TYW1B: variants seen among roughly 807,000 people sequenced by gnomAD.
TYW1B encodes the protein S-adenosyl-L-methionine-dependent tRNA 4-demethylwyosine synthase TYW1B.
A neutral mutation model predicts 86.9 loss-of-function variants in TYW1B; 73 were observed. That is an observed-to-expected ratio of 0.84 (90% CI 0.70 to 1.02). The LOEUF is 1.02. Ranked by LOEUF, TYW1B falls within the 50% of genes least tolerant of loss-of-function variation. TYW1B has a pLI of 0.00. For missense variants in TYW1B, 637 were observed against 827.4 expected, an observed-to-expected ratio of 0.77 and a Z score of 2.82; for synonymous variants, 248 against 292.8, an observed-to-expected ratio of 0.85 and a Z score of 1.56.
At chr7:72,788,029 G>A (rs1554472820) in intron 6 of TYW1B, among the ~76,000 whole-genome samples, 1 of 151,884 alleles carries the variant, frequency 6.6e-6, no homozygotes, top group Non-Finnish European at 1.5e-5. Context: ...CCAGGCTGGA[G>A]TGCAGTGGCA....
At chr7:72,811,303 A>G (rs1421635620) in intron 3 of TYW1B, among the ~76,000 whole-genome samples, 2 of 147,506 alleles carry the variant, frequency 1.4e-5, no homozygotes, top group African/African-American at 5.0e-5. Flanking sequence ...AAGAAAAAAG[A>G]AAAAAGAAAA....
At chr7:72,601,354 A>C (rs2129568053) in intron 13 of TYW1B, among the ~76,000 whole-genome samples, 1 of 151,432 alleles carries the variant, frequency 6.6e-6, no homozygotes, top group East Asian at 1.9e-4. Flanking sequence ...AAAAAAAAAC[A>C]AAAAAAACCT....
At chr7:72,678,255 A>C (rs1261348779) in intron 11 of TYW1B, among the ~76,000 whole-genome samples, 2 of 152,134 alleles carry the variant, frequency 1.3e-5, no homozygotes, top group Non-Finnish European at 2.9e-5. Context: ...TATGGAAAAA[A>C]ACAATCAAAG....
intron 11 of TYW1B, among the ~76,000 whole-genome samples, chr7:72,637,884 C>G (rs1463848297): frequency 1.3e-5 from 2 of 151,060 alleles, no homozygotes; most frequent in Non-Finnish European, 1.5e-5. Flanking sequence ...AAATTTCAGC[C>G]CTTTGAGGCT....
intron 11 of TYW1B, among the ~76,000 whole-genome samples, chr7:72,653,974 G>A (rs1813138057): frequency 6.6e-6 from 1 of 151,704 alleles, no homozygotes; most frequent in Admixed American, 6.6e-5. Flanking sequence ...CAGCTACTCA[G>A]GAGGCGGAGG....
intron 10 of TYW1B, among the ~76,000 whole-genome samples, chr7:72,709,534 G>A (rs1369808395): frequency 6.6e-6 from 1 of 152,182 alleles, no homozygotes; most frequent in Non-Finnish European, 1.5e-5. Context: ...TGGGGGTGGT[G>A]GTGGGTGCCT....
At position 72,694,736 on chromosome 7, in the gene TYW1B, T is replaced by C. The variant is rs1554451100; in HGVS notation, c.1457A>G (p.Lys486Arg). The C allele has an allele frequency of 6.2e-7, 1 of 1,613,942 alleles. No individual in the cohort carries two copies. The highest frequency in any genetic ancestry group is 1.7e-5 in the Admixed American group (1 of 59,948). The part of the protein sequence containing the change: ...SLKKIDRPLF[K>R]DFWQQFLDSL... ...GTCAAGGAATTGCTGCCAGAAATCCTTGAAGAGTGGGCGGTCGATTTTCTT... is the reference window on the plus strand; with the variant it reads ...GTCAAGGAATTGCTGCCAGAAATCCCTGAAGAGTGGGCGGTCGATTTTCTT... Residue 486 changes from lysine (K) to arginine (R), a missense_variant, in exon 11 of 14, where the codon AAG becomes AGG. Physicochemically the swap from Lys to Arg is conservative, Grantham distance 26. Coordinates refer to ENST00000620995, the MANE Select transcript of TYW1B (RefSeq NM_001145440.3).
intron 13 of TYW1B, among the ~76,000 whole-genome samples, chr7:72,602,932 A>T (rs1237224263): frequency 1.3e-5 from 2 of 152,094 alleles, no homozygotes; most frequent in Non-Finnish European, 2.9e-5. Context: ...CAACTGAAAG[A>T]GATCCGAATG....
intron 9 of TYW1B, among the ~76,000 whole-genome samples, chr7:72,718,814 G>C (rs1311142008): frequency 1.3e-5 from 2 of 152,120 alleles, no homozygotes; most frequent in Non-Finnish European, 2.9e-5. Flanking sequence ...TAGAAAGGCA[G>C]GTTGAACCTG....
chr7:72,581,076 T>G (rs1811140584), intron 13 of TYW1B, among the ~76,000 whole-genome samples: 1 of 98,342 alleles, frequency 1.0e-5, no homozygotes, highest in Non-Finnish European at 2.0e-5. Flanking sequence ...AAAGGCAGGT[T>G]TATATTCTGT....
chr7:72,648,857 A>C (rs1276222511), intron 11 of TYW1B, among the ~76,000 whole-genome samples: 5 of 152,226 alleles, frequency 3.3e-5, no homozygotes, highest in Admixed American at 3.3e-4. Flanking sequence ...CAAGATGCAC[A>C]CAGAAGAGGC....
At chr7:72,798,132 G>A (rs1254853822) in intron 6 of TYW1B, among the ~76,000 whole-genome samples, 4 of 151,992 alleles carry the variant, frequency 2.6e-5, no homozygotes, top group East Asian at 1.9e-4. Context: ...GGCCGGGCGC[G>A]GTGGCTCATG....
At chr7:72,610,023 G>A (rs1811897204) in intron 13 of TYW1B, among the ~76,000 whole-genome samples, 1 of 152,080 alleles carries the variant, frequency 6.6e-6, no homozygotes, top group Non-Finnish European at 1.5e-5. Flanking sequence ...ACATCTGTTG[G>A]GCATTTCAAC....
At chr7:72,625,381 G>T (rs868937697) in intron 12 of TYW1B, among the ~76,000 whole-genome samples, 3 of 152,154 alleles carry the variant, frequency 2.0e-5, no homozygotes, top group African/African-American at 7.2e-5. Flanking sequence ...CACTTTGGGA[G>T]GCTAACGTAG....
intron 13 of TYW1B, among the ~76,000 whole-genome samples, chr7:72,601,713 A>G (rs1436560721): frequency 6.6e-6 from 1 of 151,794 alleles, no homozygotes; most frequent in Non-Finnish European, 1.5e-5. Context: ...TCAAGCCAGG[A>G]AAATGCACGA....
chr7:72,656,803 G>T (rs1389518870), intron 11 of TYW1B, among the ~76,000 whole-genome samples: 1 of 152,114 alleles, frequency 6.6e-6, no homozygotes. Context: ...GAGAGTGGGA[G>T]CAAGAGCAAA....
intron 10 of TYW1B, among the ~76,000 whole-genome samples, chr7:72,698,908 G>A (rs1159719201): frequency 1.3e-5 from 2 of 152,238 alleles, no homozygotes; most frequent in East Asian, 3.9e-4. Context: ...CAAGTCCTCA[G>A]GAAGAAATTC....
At chr7:72,626,203 A>C (rs570251891) in intron 12 of TYW1B, among the ~76,000 whole-genome samples, 39 of 151,186 alleles carry the variant, frequency 2.6e-4, no homozygotes, top group Middle Eastern at 3.4e-3. Flanking sequence ...AGACAGCAGT[A>C]TTTCATCTGT....
rs1218682154 is a variant in TYW1B, at chr7:72,807,393, C to A, written c.433-37G>T. On this transcript the variant is annotated intron_variant, in intron 4 of 13. Coordinates refer to ENST00000620995, the MANE Select transcript of TYW1B (RefSeq NM_001145440.3). The stretch of plus-strand genomic sequence containing the variant: ...AGATAGATAGGCTAAAAGCACGGTT[C>A]TCTAAATCAGGGTTTTCCAGACTGC... 3.1e-6 allele frequency: 5 copies of A among 1,588,502 alleles called. No individual in the cohort carries two copies. The African/African-American group carries it at 5.4e-5, about 17-fold the overall frequency.
Sources: gnomAD v4.1 joint callset for allele counts (sites outside exome capture counted in the v4.1 genomes callset) on GRCh38, gnomAD v4.1.1 for gene constraint, MANE v1.5 for transcripts, NCBI Gene and HGNC (gene_info 2026-07-23, HGNC 2026-07-21) for gene names.